The following MID1 variants were observed in gnomAD, a reference collection of about 807,000 sequenced individuals.
MID1 encodes the protein midline 1, also known as E3 ubiquitin-protein ligase Midline-1.
In MID1, 7 loss-of-function variants were observed where a neutral mutation model predicts 40.4. The observed-to-expected ratio is 0.17, with a 90% CI of 0.10 to 0.33. The LOEUF is 0.33. Ranked by LOEUF, MID1 falls within the 10% of genes least tolerant of loss-of-function variation. The pLI, the probability that MID1 is intolerant of heterozygous loss-of-function variation, is 1.00. For missense variants in MID1, 367 were observed against 558.5 expected (o/e 0.66, Z 3.46); for synonymous variants, 229 against 221.2 (o/e 1.04, Z -0.31).
At chrX:10,568,988 GT>G (rs888521120) in intron 1 of MID1, among the ~76,000 whole-genome samples, 2 of 111,721 alleles carry the variant, frequency 1.8e-5, no homozygotes, top group African/African-American at 6.5e-5. Flanking sequence ...CACGGGGGTG[GT>G]GGGGAGAGCG....
intron 1 of MID1, among the ~76,000 whole-genome samples, chrX:10,573,045 G>C (rs2147479609): frequency 8.9e-6 from 1 of 112,581 alleles, no homozygotes; most frequent in Admixed American, 9.3e-5. Flanking sequence ...AGTCTTCAGT[G>C]ACAGATTACA....
chrX:10,508,118 G>A (rs1456485130), intron 3 of MID1, among the ~76,000 whole-genome samples: 2 of 112,289 alleles, frequency 1.8e-5, no homozygotes, highest in Non-Finnish European at 3.8e-5. Context: ...ACCATGCTAG[G>A]ACCTGTGGTA....
At chrX:10,451,338 A>T (rs1928324951) in intron 9 of MID1, among the ~76,000 whole-genome samples, 1 of 111,681 alleles carries the variant, frequency 9.0e-6, no homozygotes, top group Non-Finnish European at 1.9e-5. Context: ...GATGGCAGAC[A>T]GTAGACGTGC....
At chrX:10,780,784 T>C (rs770021858) in intron 1 of MID1, among the ~76,000 whole-genome samples, 4 of 111,760 alleles carry the variant, frequency 3.6e-5, no homozygotes, top group African/African-American at 9.8e-5. Context: ...AATTTTTCCA[T>C]AGATGTGGTG....
intron 5 of MID1, among the ~76,000 whole-genome samples, chrX:10,478,800 C>T (rs1930154486): frequency 8.9e-6 from 1 of 112,100 alleles, no homozygotes; most frequent in African/African-American, 3.2e-5. Flanking sequence ...CTTAACGATG[C>T]AGAAAATCTC....
intron 3 of MID1, among the ~76,000 whole-genome samples, chrX:10,496,111 A>G (rs1427215156): frequency 8.9e-6 from 1 of 112,642 alleles, no homozygotes; most frequent in Admixed American, 9.4e-5. Context: ...AGGACAGATT[A>G]CTATCAATCT....
At chrX:10,799,142 C>G (rs981873652) in intron 1 of MID1, among the ~76,000 whole-genome samples, 1 of 111,610 alleles carries the variant, frequency 9.0e-6, no homozygotes. Flanking sequence ...CCTTTTTCAT[C>G]CCCCCTCACC....
At chrX:10,794,931 A>G (rs2043958185) in intron 1 of MID1, among the ~76,000 whole-genome samples, 1 of 111,827 alleles carries the variant, frequency 8.9e-6, no homozygotes, top group African/African-American at 3.3e-5. Context: ...TACTGAGCCA[A>G]TGAAAACATA....
chrX:10,506,392 C>T (rs767974609), intron 3 of MID1: 16 of 1,058,622 alleles, frequency 1.5e-5, no homozygotes, highest in Admixed American at 1.1e-4. Flanking sequence ...GGGACAACTA[C>T]GAAGCCAGTA....
intron 1 of MID1, among the ~76,000 whole-genome samples, chrX:10,668,063 A>T (rs1024024489): frequency 8.9e-6 from 1 of 111,919 alleles, no homozygotes; most frequent in Non-Finnish European, 1.9e-5. Flanking sequence ...CTGAATACGC[A>T]TCTTGGGACA....
At chrX:10,670,523 C>T (rs912039515) in intron 1 of MID1, among the ~76,000 whole-genome samples, 3 of 111,936 alleles carry the variant, frequency 2.7e-5, no homozygotes, top group Admixed American at 1.9e-4. Flanking sequence ...AATCTTCACA[C>T]GCCCAGGGCA....
intron 1 of MID1, among the ~76,000 whole-genome samples, chrX:10,717,272 T>C (rs187092333): frequency 1.8e-5 from 2 of 109,221 alleles, no homozygotes; most frequent in Non-Finnish European, 3.8e-5. Context: ...GAGTCAAGAC[T>C]CATCAGTGTG....
chrX:10,640,703 A>C (rs1198068680), intron 1 of MID1, among the ~76,000 whole-genome samples: 2 of 111,501 alleles, frequency 1.8e-5, no homozygotes, highest in African/African-American at 6.5e-5. Flanking sequence ...CCAAATCAAC[A>C]GAATATACAT....
chrX:10,759,809 C>G (rs375149457), intron 1 of MID1, among the ~76,000 whole-genome samples: 63 of 111,938 alleles, frequency 5.6e-4, no homozygotes, highest in African/African-American at 1.9e-3. Context: ...ATAAGAAATG[C>G]CTGTGTGGTT....
intron 1 of MID1, among the ~76,000 whole-genome samples, chrX:10,653,960 C>T (rs973714771): frequency 2.7e-5 from 3 of 112,185 alleles, no homozygotes; most frequent in Non-Finnish European, 5.6e-5. Flanking sequence ...TTAACTAAAC[C>T]CCTCTGTGAA....
At chrX:10,458,337 A>AAT (rs1245267701) in intron 8 of MID1, among the ~76,000 whole-genome samples, 1 of 112,183 alleles carries the variant, frequency 8.9e-6, no homozygotes, top group African/African-American at 3.2e-5. Context: ...AAGTTGTTAA[A>AAT]ATATTCCCAT....
At chrX:10,768,424 G>A (rs1259716598) in intron 1 of MID1, among the ~76,000 whole-genome samples, 1 of 111,797 alleles carries the variant, frequency 8.9e-6, no homozygotes, top group East Asian at 2.8e-4. Flanking sequence ...CAAAGGTGAT[G>A]TGTCAGAAGG....
chrX:10,758,261 T>G (rs1404055118), intron 1 of MID1, among the ~76,000 whole-genome samples: 1 of 107,995 alleles, frequency 9.3e-6, no homozygotes, highest in African/African-American at 3.4e-5. Flanking sequence ...AGGTGTGAGC[T>G]ACTGCACCTG....
chrX:10,720,117 C>A (rs902858225), intron 1 of MID1, among the ~76,000 whole-genome samples: 3 of 111,767 alleles, frequency 2.7e-5, no homozygotes, highest in African/African-American at 9.8e-5. Context: ...CTAGGCAATA[C>A]CATTCAGGAC....
Sources: gnomAD v4.1 joint callset for allele counts (sites outside exome capture counted in the v4.1 genomes callset) on GRCh38, gnomAD v4.1.1 for gene constraint, MANE v1.5 for transcripts, NCBI Gene and HGNC (gene_info 2026-07-23, HGNC 2026-07-21) for gene names.